Variants in GTF3C3 observed in about 807,000 individuals in gnomAD.
The protein encoded by GTF3C3 is general transcription factor 3C polypeptide 3.
GTF3C3 carries 75 observed loss-of-function variants against 105.2 expected under a neutral mutation model. That is an observed-to-expected ratio of 0.71 (90% CI 0.59 to 0.86). The LOEUF is 0.86. Among genes scored for constraint, GTF3C3 ranks in the 40% least tolerant of loss-of-function variants. The pLI, the probability that GTF3C3 is intolerant of heterozygous loss-of-function variation, is 0.00. For synonymous variants in GTF3C3, 335 were observed against 370.4 expected (o/e 0.90, Z 1.10); for missense variants, 856 against 1,076.5 (o/e 0.80, Z 2.87).
In GTF3C3 at chr2:196,772,931, G is replaced by C; in HGVS notation, c.2054C>G (p.Ala685Gly). ...AAILDKNFRK[A>G]YNYIRIMVME... ...GGGAAATCACCTGATATAGTTGTATGCCTTTCTGAAATTTTTGTCCAGAAT... is the reference window on the plus strand; with the variant it reads ...GGGAAATCACCTGATATAGTTGTATCCCTTTCTGAAATTTTTGTCCAGAAT... Residue 685 changes from alanine (A) to glycine (G), a missense_variant, in exon 14 of 18, where the codon GCA becomes GGA. By Grantham distance (60) the Ala-to-Gly change is moderately conservative. Around this residue, in one of 3 missense-constraint regions of GTF3C3, gnomAD observed 605 missense variants for 833.6 expected, o/e 0.73. Coordinates refer to ENST00000263956, the MANE Select transcript of GTF3C3 (RefSeq NM_012086.5). 1 of 1,533,396 alleles carries C rather than the reference G, an allele frequency of 6.5e-7. No individual in the cohort carries two copies. The highest frequency in any genetic ancestry group is 8.9e-7 in the Non-Finnish European group (1 of 1,125,514). 95.0% of individuals were successfully genotyped at this position (1,533,396 alleles called of 1,614,324 possible).
chr2:196,772,962 C>A lies in GTF3C3; in HGVS notation c.2023G>T (p.Ala675Ser), dbSNP rs1366638396. 1.3e-6 allele frequency: 2 copies of A among 1,599,398 alleles called. No homozygotes were observed. Among genetic ancestry groups the A allele is most frequent in the African/African-American group, 2.7e-5 (2 of 74,140 alleles). The part of the protein sequence containing the change: ...RKELEYFGLS[A>S]AILDKNFRKA... ...CTGAAATTTTTGTCCAGAATTGCAG[C>A]AGACAGACCAAAGTATTCTAGTTCT... Residue 675 changes from alanine (A) to serine (S), a missense_variant, in exon 14 of 18, where the codon GCT becomes TCT. Coordinates refer to ENST00000263956, the MANE Select transcript of GTF3C3 (RefSeq NM_012086.5).
chr2:196,767,041 A>G (rs1176929333), intron 16 of GTF3C3: 4 of 173,378 alleles, frequency 2.3e-5, no homozygotes, highest in Non-Finnish European at 4.9e-5. Flanking sequence ...TTATAGGCCA[A>G]TAAACTTTTT....
chr2:196,769,845 A>T lies in GTF3C3; in HGVS notation c.2385+70T>A, dbSNP rs183236574. On this transcript the variant is annotated intron_variant, in intron 16 of 17. Transcript: ENST00000263956. Reference sequence around the variant, plus strand: ...GTATTACTTTTGAAGCAGGATTTTTAAAAAAAGTATTAAGTATATTCATTT... The same window carrying T: ...GTATTACTTTTGAAGCAGGATTTTTTAAAAAAGTATTAAGTATATTCATTT... 6.6e-3 allele frequency: 8,858 copies of T among 1,338,210 alleles called. 47 individuals carry two copies. The highest frequency in any genetic ancestry group is 0.01 in the Middle Eastern group (44 of 4,220). The allele number at this position is 1,338,210 out of a possible 1,614,324, so 82.9% of individuals were successfully genotyped here. A position where few individuals can be genotyped will look rare whatever the true frequency, so the allele number is the denominator to read the frequency against.
chr2:196,770,948 G>A (rs1699162885), intron 15 of GTF3C3, among the ~76,000 whole-genome samples: 1 of 151,988 alleles, frequency 6.6e-6, no homozygotes, highest in Non-Finnish European at 1.5e-5. Flanking sequence ...ATAAAAATAC[G>A]GGCCATATAC....
chr2:196,795,588 C>T (rs924085141), intron 2 of GTF3C3, among the ~76,000 whole-genome samples: 8 of 152,108 alleles, frequency 5.3e-5, no homozygotes, highest in African/African-American at 1.7e-4. Context: ...CCTGATAGAA[C>T]GAAGCATTTG....
At chr2:196,774,536 C>G (rs1699229385) in intron 13 of GTF3C3, among the ~76,000 whole-genome samples, 1 of 152,108 alleles carries the variant, frequency 6.6e-6, no homozygotes, top group African/African-American at 2.4e-5. Flanking sequence ...ACAACAAAAC[C>G]TTATGAGCCT....
Position 196,763,892 on chromosome 2 carries a change from A to G in GTF3C3, c.*671T>C, listed in dbSNP as rs991875765. 6.6e-6 allele frequency: 1 copy of G among 152,206 alleles called. No homozygotes were observed. The highest frequency in any genetic ancestry group is 6.5e-5 in the Admixed American group (1 of 15,280). 9.4% of individuals were successfully genotyped at this position (152,206 alleles called of 1,614,324 possible). On this transcript the variant is annotated 3_prime_UTR_variant, in exon 18 of 18. Coordinates refer to ENST00000263956, the MANE Select transcript of GTF3C3 (RefSeq NM_012086.5). ...TACTTGTGATCTTGAAATGGAAACC[A>G]TGTCCTGTTATTGAACAAGCTCTTC...
In GTF3C3 at chr2:196,789,470, C is replaced by T; in HGVS notation, c.728-101G>A. On this transcript the variant is annotated intron_variant, in intron 5 of 17. Coordinates refer to ENST00000263956, the MANE Select transcript of GTF3C3 (RefSeq NM_012086.5). ...AAATTTAATAAGCAAACTAATCCAT[C>T]AAATGGAACCAAGGGAGTTATTCTG... is the stretch of plus-strand genomic sequence containing the variant. 4 of 706,216 alleles carry T rather than the reference C, an allele frequency of 5.7e-6. No homozygotes were observed. The South Asian group carries it at 8.2e-5, about 14-fold the overall frequency. 43.7% of individuals were successfully genotyped at this position (706,216 alleles called of 1,614,324 possible).
intron 13 of GTF3C3, 187 bp downstream of exon 13, chr2:196,774,929 A>G (rs972795886): frequency 1.2e-4 from 49 of 408,400 alleles, no homozygotes; most frequent in Non-Finnish European, 2.0e-4. Context: ...TTTTTAATTT[A>G]AAGTATTTAC....
At chr2:196,799,433 C>T in intron 1 of GTF3C3, 77 bp downstream of exon 1, 2 of 1,046,636 alleles carry the variant, frequency 1.9e-6, no homozygotes, top group Non-Finnish European at 3.0e-6. Flanking sequence ...ACAGTGAAAG[C>T]GGTCGTCTGG....
intron 9 of GTF3C3, 63 bp from the exon 10 acceptor site, chr2:196,779,130 CTT>C (rs879111814): frequency 0.015 from 15,252 of 1,003,722 alleles, no homozygotes; most frequent in South Asian, 0.021. Context: ...CTATCTATAG[CTT>C]TTTTTTTTTT....
intron 2 of GTF3C3, among the ~76,000 whole-genome samples, chr2:196,797,229 C>G (rs1240819587): frequency 6.6e-6 from 1 of 152,142 alleles, no homozygotes; most frequent in Non-Finnish European, 1.5e-5. Context: ...AATAAATTTG[C>G]TTACTAATTA....
At position 196,764,548 on chromosome 2, in the gene GTF3C3, C is replaced by A; in HGVS notation, c.*15G>T. 1 of 1,611,412 alleles carries A rather than the reference C, an allele frequency of 6.2e-7. No homozygotes were observed. The highest frequency in any genetic ancestry group is 8.5e-7 in the Non-Finnish European group (1 of 1,178,338). ...ACACAGCAGCTGCCATTGCTCTGTT[C>A]TCAGTTGCGGTGCTTTATATAGAAC... is the stretch of plus-strand genomic sequence containing the variant. On this transcript the variant is annotated 3_prime_UTR_variant, in exon 18 of 18. Coordinates refer to ENST00000263956, the MANE Select transcript of GTF3C3 (RefSeq NM_012086.5).
At chr2:196,768,018 GTTCTA>G (rs1699097458) in intron 16 of GTF3C3, among the ~76,000 whole-genome samples, 1 of 152,130 alleles carries the variant, frequency 6.6e-6, no homozygotes, top group Non-Finnish European at 1.5e-5. Context: ...AAATTCTATT[GTTCTA>G]TTCTGTTCTG....
chr2:196,799,667 A>T lies in GTF3C3; in HGVS notation c.-56T>A, dbSNP rs766557707. 7.8e-6 allele frequency: 10 copies of T among 1,278,714 alleles called. No homozygotes were observed. In the African/African-American group the frequency reaches 8.8e-5, roughly 11 times the overall value. 79.2% of individuals were successfully genotyped at this position (1,278,714 alleles called of 1,614,324 possible). ...AACCGGGACAGAGAACCGGAAGAGC[A>T]GCGCCTTCCAGAAGCTACCTCGCCG... is the stretch of plus-strand genomic sequence containing the variant. On this transcript the variant is annotated 5_prime_UTR_variant, in exon 1 of 18. Coordinates refer to ENST00000263956, the MANE Select transcript of GTF3C3 (RefSeq NM_012086.5).
intron 2 of GTF3C3, among the ~76,000 whole-genome samples, chr2:196,795,101 G>A (rs1699620395): frequency 6.6e-6 from 1 of 152,080 alleles, no homozygotes; most frequent in South Asian, 2.1e-4. Context: ...GATTGCAGTG[G>A]TGCGATCTCA....
In GTF3C3 at chr2:196,781,010, GA is replaced by G; in HGVS notation, c.1115-349del. 3 of 163,068 alleles carry G rather than the reference GA, an allele frequency of 1.8e-5. No homozygotes were observed. In the South Asian group the frequency reaches 6.1e-4, roughly 33 times the overall value. The allele number at this position is 163,068 out of a possible 1,614,324, so 10.1% of individuals were successfully genotyped here. A position where few individuals can be genotyped will look rare whatever the true frequency, so the allele number is the denominator to read the frequency against. On this transcript the variant is annotated intron_variant, in intron 8 of 17. Coordinates refer to ENST00000263956, the MANE Select transcript of GTF3C3 (RefSeq NM_012086.5). Reference sequence around the variant, plus strand: ...TTAGTGTTCACTAGAAACAGGCTAAGAAAAGGATAAAATAATACTGTGTTAT... The same window carrying G: ...TTAGTGTTCACTAGAAACAGGCTAAGAAAGGATAAAATAATACTGTGTTAT...
chr2:196,773,119 C>G lies in GTF3C3; in HGVS notation c.1866G>C (p.Lys622Asn). 1.9e-6 allele frequency: 3 copies of G among 1,611,492 alleles called. No homozygotes were observed. Among genetic ancestry groups the G allele is most frequent in the Non-Finnish European group, 1.7e-6 (2 of 1,178,732 alleles). ...TCAACAGAAGATTCCACCAGTCATC[C>G]TTTGTCAAGACGCTTGTGAGCACAG... ...IFAVLTSVLT[K>N]DDWWNLLLKA... is the part of the protein sequence containing the mutation. Residue 622 changes from lysine (K) to asparagine (N), a missense_variant, in exon 14 of 18, where the codon AAG becomes AAC. Physicochemically the swap from Lys to Asn is moderately conservative, Grantham distance 94. This residue lies in a region of GTF3C3 where 605 missense variants were observed against 833.6 expected (regional missense o/e 0.73). Coordinates refer to ENST00000263956, the MANE Select transcript of GTF3C3 (RefSeq NM_012086.5).
chr2:196,781,895 A>G (rs1167507573), intron 8 of GTF3C3, among the ~76,000 whole-genome samples: 2 of 152,180 alleles, frequency 1.3e-5, no homozygotes, highest in African/African-American at 2.4e-5. Context: ...TCTTCTGTAG[A>G]CAGTAGCTAA....
Sources: gnomAD v4.1 joint callset for allele counts (sites outside exome capture counted in the v4.1 genomes callset) on GRCh38, gnomAD v4.1.1 for gene constraint, gnomAD v4.1.1 regional missense constraint, MANE v1.5 for transcripts, NCBI Gene and HGNC (gene_info 2026-07-23, HGNC 2026-07-21) for gene names.